The following ZNF570 variants were observed in gnomAD, a reference collection of about 807,000 sequenced individuals.
ZNF570 encodes zinc finger protein 570.
In ZNF570, 8 loss-of-function variants were observed where a neutral mutation model predicts 14.2. That is an observed-to-expected ratio of 0.56 (90% CI 0.33 to 1.02). The LOEUF (loss-of-function observed/expected upper bound fraction) is 1.02. ZNF570 is among the 50% of genes least tolerant of loss of function. ZNF570 has a pLI of 0.03. For synonymous variants in ZNF570, 202 were observed against 207.6 expected, an observed-to-expected ratio of 0.97 and a Z score of 0.23; for missense variants, 559 against 624.9, an observed-to-expected ratio of 0.89 and a Z score of 1.12.
intron 4 of ZNF570, among the ~76,000 whole-genome samples, chr19:37,479,249 C>T (rs1317121784): frequency 6.6e-6 from 1 of 151,694 alleles, no homozygotes; most frequent in Admixed American, 6.6e-5. Flanking sequence ...TGAAGTTGTC[C>T]ATTATTTTTC....
rs956152129 is a variant in ZNF570 at position 37,475,789 on chromosome 19, A to T, written c.34-92A>T. Reference sequence around the variant, plus strand: ...TGATAACATGGTTACATATTTGAGGATGTAATATCAGAGAGAGCCCAGTGT... The same window carrying T: ...TGATAACATGGTTACATATTTGAGGTTGTAATATCAGAGAGAGCCCAGTGT... On this transcript the variant is annotated intron_variant, in intron 2 of 4. Transcript: ENST00000330173. The T allele has an allele frequency of 4.9e-6, 6 of 1,226,648 alleles. No individual in the cohort carries two copies. The African/African-American group carries it at 9.1e-5, about 19-fold the overall frequency. The allele number at this position is 1,226,648 out of a possible 1,614,324, so 76.0% of individuals were successfully genotyped here. A position where few individuals can be genotyped will look rare whatever the true frequency, so the allele number is the denominator to read the frequency against.
upstream of ZNF570, chr19:37,468,146 G>C: frequency 1.7e-6 from 1 of 583,946 alleles, no homozygotes; most frequent in South Asian, 2.2e-5. Context: ...GAGTGCAGCG[G>C]CGCGATGTTG....
In ZNF570 at chr19:37,469,548, G is replaced by T; in HGVS notation, c.-61G>T. 6.5e-7 allele frequency: 1 copy of T among 1,536,416 alleles called. No homozygotes were observed. The highest frequency in any genetic ancestry group is 8.7e-7 in the Non-Finnish European group (1 of 1,146,904). ...CGCAGGCCATCTGTGTGACTCCGGT[G>T]CGAGTGGAGGTTGGTACCGTTCAGT... On this transcript the variant is annotated 5_prime_UTR_variant, in exon 1 of 5. Transcript: ENST00000330173.
intron 4 of ZNF570, among the ~76,000 whole-genome samples, chr19:37,477,898 CTA>C (rs2147013395): frequency 6.6e-6 from 1 of 152,208 alleles, no homozygotes; most frequent in Admixed American, 6.5e-5. Flanking sequence ...AGGTTTTAGT[CTA>C]TATATGGGTT....
At chr19:37,476,224 A>G (rs1320721417) in intron 3 of ZNF570, 115 bp from the exon 4 acceptor site, 2 of 1,346,668 alleles carry the variant, frequency 1.5e-6, no homozygotes, top group African/African-American at 3.0e-5. Context: ...TCCTTTACAC[A>G]TTTCTCTTTT....
chr19:37,476,585 A>T, intron 4 of ZNF570, 151 bp downstream of exon 4: 2 of 1,137,302 alleles, frequency 1.8e-6, no homozygotes, highest in Non-Finnish European at 2.3e-6. Context: ...GTTCTCCCAC[A>T]TTTGTTATTT....
At chr19:37,471,035 G>A (rs1167518108) in intron 2 of ZNF570, among the ~76,000 whole-genome samples, 1 of 74,842 alleles carries the variant, frequency 1.3e-5, no homozygotes, top group South Asian at 5.6e-4. Context: ...TTTTTGTTGA[G>A]ACGGAGTCTT....
rs1330463877 is a variant in ZNF570 at position 37,482,004 on chromosome 19, A to C, written c.257-1875A>C. 2.6e-5 allele frequency among the ~76,000 whole-genome samples: 4 copies of C among 152,204 alleles called. No individual in the cohort carries two copies. The East Asian group carries it at 5.8e-4, about 22-fold the overall frequency. On this transcript the variant is annotated intron_variant, in intron 4 of 4. Coordinates refer to ENST00000330173, the MANE Select transcript of ZNF570 (RefSeq NM_144694.5). Reference sequence around the variant, plus strand: ...GCTGTATTGCCAGACTACTTTAGGTACCTCATATAAGTGGAATCATACAGT... The same window carrying C: ...GCTGTATTGCCAGACTACTTTAGGTCCCTCATATAAGTGGAATCATACAGT...
intron 2 of ZNF570, 86 bp from the exon 3 acceptor site, chr19:37,475,795 T>C (rs1218050849): frequency 2.3e-6 from 3 of 1,311,004 alleles, no homozygotes; most frequent in East Asian, 4.8e-5. Context: ...GAGGATGTAA[T>C]ATCAGAGAGA....
chr19:37,484,852 A>AG lies in ZNF570; in HGVS notation c.1231dup (p.Glu411GlyfsTer5). ...CTCAACATCAGAGAATTCATACTGG[A>AG]GAAAAACCTTATAAGTGTCAGGAAT... On this transcript the variant is annotated frameshift_variant, in exon 5 of 5. Coordinates refer to ENST00000330173, the MANE Select transcript of ZNF570 (RefSeq NM_144694.5). LOFTEE classifies it low-confidence loss of function (END_TRUNC). 6.2e-7 allele frequency: 1 copy of AG among 1,613,568 alleles called. No individual in the cohort carries two copies.
At chr19:37,469,019 C>T, upstream of ZNF570, 1 of 983,064 alleles carries the variant, frequency 1.0e-6, no homozygotes. Context: ...CAACTCCCCG[C>T]CCTGGTTGCT....
At position 37,484,378 on chromosome 19, in the gene ZNF570, A is replaced by G; in HGVS notation, c.756A>G (p.Gly252=). The G allele has an allele frequency of 6.2e-7, 1 of 1,614,038 alleles. No individual in the cohort carries two copies. The highest frequency in any genetic ancestry group is 8.5e-7 in the Non-Finnish European group (1 of 1,180,004). ...AACCCTATAAATGTATAGAGTGTGG[A>G]AAAGCCTTCAGCCAGAGATCAAATC... is the stretch of plus-strand genomic sequence containing the variant. ...GEKPYKCIEC[G]KAFSQRSNLV... Residue 252 remains glycine (G), a synonymous_variant, in exon 5 of 5, where the codon GGA becomes GGG. Transcript: ENST00000330173.
chr19:37,474,967 G>GT (rs11285183), intron 2 of ZNF570, among the ~76,000 whole-genome samples: 5,778 of 138,648 alleles, frequency 0.042, 321 homozygotes, highest in African/African-American at 0.13. Flanking sequence ...TTTTGTTTTT[G>GT]TTTTTTTTTT....
At chr19:37,479,141 T>C (rs952951094) in intron 4 of ZNF570, among the ~76,000 whole-genome samples, 1 of 151,956 alleles carries the variant, frequency 6.6e-6, no homozygotes, top group Non-Finnish European at 1.5e-5. Context: ...CAATTTGATA[T>C]GTTCTAAAAT....
Position 37,484,621 on chromosome 19 carries a change from C to G in ZNF570, c.999C>G (p.Ile333Met). ...CGGGAGAGAAACCCTATGAATGTAT[C>G]GAATGTGGGAAAGCATTTAGCAACA... ...VHTGEKPYECIECGKAFSNRS... is the reference protein window; with the variant it reads ...VHTGEKPYECMECGKAFSNRS... Residue 333 changes from isoleucine to methionine, a missense_variant, in exon 5 of 5, where the codon ATC becomes ATG. Physicochemically the swap from Ile to Met is conservative, Grantham distance 10. Coordinates refer to ENST00000330173, the MANE Select transcript of ZNF570 (RefSeq NM_144694.5). 10 of 1,611,712 alleles carry G rather than the reference C, an allele frequency of 6.2e-6. No homozygotes were observed. The highest frequency in any genetic ancestry group is 7.6e-6 in the Non-Finnish European group (9 of 1,179,378).
Position 37,484,290 on chromosome 19 carries a change from G to A in ZNF570, c.668G>A (p.Cys223Tyr), listed in dbSNP as rs182751368. The A allele has an allele frequency of 3.3e-4, 537 of 1,613,452 alleles. 1 individual carries two copies. Among genetic ancestry groups the A allele is most frequent in the Non-Finnish European group, 3.0e-4 (358 of 1,179,876 alleles). Residue 223 changes from cysteine (C) to tyrosine (Y), a missense_variant, in exon 5 of 5, where the codon TGT (cysteine) becomes TAT (tyrosine). By Grantham distance (194) the Cys-to-Tyr change is radical. Coordinates refer to ENST00000330173, the MANE Select transcript of ZNF570 (RefSeq NM_144694.5). ...AAGAAACTTTTGAAATGTAATGACT[G>A]TGAAAAAGTCTTCAGCCAGAGTTCA... ...AEKKLLKCND[C>Y]EKVFSQSSSL... is the part of the protein sequence containing the mutation.
rs1357863007 is a variant in ZNF570, at chr19:37,488,421, A to G, written c.*3188A>G. The G allele has an allele frequency of 2.0e-5, 3 of 152,212 alleles. No homozygotes were observed. The East Asian group carries it at 5.8e-4, about 29-fold the overall frequency. 9.4% of individuals were successfully genotyped at this position (152,212 alleles called of 1,614,324 possible). ...ATCTAAAAGAATTAATAAAATAATC[A>G]TCAGATTCAGAACAGTGGTGACCTG... On this transcript the variant is annotated 3_prime_UTR_variant, in exon 5 of 5. Coordinates refer to ENST00000330173, the MANE Select transcript of ZNF570 (RefSeq NM_144694.5).
In ZNF570 at chr19:37,487,632, A is replaced by G. The variant is rs186385421; in HGVS notation, c.*2399A>G. ...ATAGCCTAGACTGCAGAGACTCAATATAATAAAGTTGGCGATTCTTCCTAA... is the reference window on the plus strand; with the variant it reads ...ATAGCCTAGACTGCAGAGACTCAATGTAATAAAGTTGGCGATTCTTCCTAA... On this transcript the variant is annotated 3_prime_UTR_variant, in exon 5 of 5. Transcript: ENST00000330173. 1 of 152,340 alleles carries G rather than the reference A, an allele frequency of 6.6e-6. No individual in the cohort carries two copies. Among genetic ancestry groups the G allele is most frequent in the African/African-American group, 2.4e-5 (1 of 41,576 alleles). The allele number at this position is 152,340 out of a possible 1,614,324, so 9.4% of individuals were successfully genotyped here. A position where few individuals can be genotyped will look rare whatever the true frequency, so the allele number is the denominator to read the frequency against.
chr19:37,473,084 A>G (rs2041986846), intron 2 of ZNF570, among the ~76,000 whole-genome samples: 1 of 152,144 alleles, frequency 6.6e-6, no homozygotes, highest in African/African-American at 2.4e-5. Flanking sequence ...CAGAGAAAAT[A>G]AGATTATCAG....
Sources: gnomAD v4.1 joint callset for allele counts (sites outside exome capture counted in the v4.1 genomes callset) on GRCh38, gnomAD v4.1.1 for gene constraint, MANE v1.5 for transcripts, NCBI Gene and HGNC (gene_info 2026-07-23, HGNC 2026-07-21) for gene names.